Variants in TMEM117 observed in about 807,000 individuals in gnomAD.
TMEM117 encodes transmembrane protein 117.
Under a neutral mutation model 52.4 loss-of-function variants are expected in TMEM117, and 27 were observed. The ratio of observed to expected loss-of-function variants is 0.51; its 90% CI spans 0.38 to 0.71. The LOEUF is 0.71. Among genes scored for constraint, TMEM117 ranks in the 30% least tolerant of loss-of-function variants. The pLI is 0.00. For missense variants in TMEM117, 556 were observed against 630.5 expected (o/e 0.88, Z 1.26); for synonymous variants, 215 against 206.3 (o/e 1.04, Z -0.36).
At chr12:43,932,336 GT>G (rs34671916) in intron 2 of TMEM117, among the ~76,000 whole-genome samples, 19,735 of 129,360 alleles carry the variant, frequency 0.15, 1,821 homozygotes, top group African/African-American at 0.31. Flanking sequence ...CATTAAATAA[GT>G]TTTTTTTTTT....
intron 5 of TMEM117, among the ~76,000 whole-genome samples, chr12:44,277,906 G>T (rs1227947829): frequency 6.6e-6 from 1 of 151,810 alleles, no homozygotes; most frequent in East Asian, 1.9e-4. Flanking sequence ...TGGGATTACA[G>T]GCGCATGCCA....
intron 6 of TMEM117, among the ~76,000 whole-genome samples, chr12:44,334,546 C>T (rs185703575): frequency 1.2e-4 from 18 of 152,098 alleles, no homozygotes; most frequent in Admixed American, 1.0e-3. Flanking sequence ...GCACATTTCA[C>T]CTGCATGATT....
intron 2 of TMEM117, among the ~76,000 whole-genome samples, chr12:43,885,081 G>A (rs939625020): frequency 1.3e-5 from 2 of 152,148 alleles, no homozygotes; most frequent in East Asian, 1.9e-4. Flanking sequence ...ACAGGCCCCA[G>A]ATAGTCGCTA....
chr12:44,152,037 T>C (rs1948737479), intron 4 of TMEM117, among the ~76,000 whole-genome samples: 1 of 119,132 alleles, frequency 8.4e-6, no homozygotes, highest in Non-Finnish European at 1.6e-5. Flanking sequence ...ATGTAATATA[T>C]ATTATATTAA....
chr12:43,829,685 C>G, the TMEM117 span, among the ~76,000 whole-genome samples: 3 of 152,218 alleles, frequency 2.0e-5, no homozygotes, highest in African/African-American at 7.2e-5. Context: ...CCATTTAAAA[C>G]CAGCAGTCAC....
At chr12:44,309,551 TGA>T (rs2138665693) in intron 6 of TMEM117, among the ~76,000 whole-genome samples, 1 of 152,082 alleles carries the variant, frequency 6.6e-6, no homozygotes, top group South Asian at 2.1e-4. Context: ...AGACAGGAGT[TGA>T]GGGAGGGAAG....
chr12:44,186,543 G>A (rs375863475), intron 4 of TMEM117, among the ~76,000 whole-genome samples: 2 of 152,244 alleles, frequency 1.3e-5, no homozygotes, highest in East Asian at 3.9e-4. Context: ...CCTATGGAAA[G>A]GGATAGGTGA....
chr12:44,302,219 T>C (rs547917459), intron 6 of TMEM117, among the ~76,000 whole-genome samples: 1 of 152,332 alleles, frequency 6.6e-6, no homozygotes, highest in South Asian at 2.1e-4. Context: ...GGAAATGTCA[T>C]GTTTTACACT....
intron 5 of TMEM117, among the ~76,000 whole-genome samples, chr12:44,244,903 C>A (rs1164808132): frequency 6.6e-6 from 1 of 151,934 alleles, no homozygotes; most frequent in Non-Finnish European, 1.5e-5. Context: ...TTTTATTCTT[C>A]TGTATTTTGG....
chr12:44,062,414 C>T (rs1383972608), intron 3 of TMEM117, among the ~76,000 whole-genome samples: 1 of 152,150 alleles, frequency 6.6e-6, no homozygotes, highest in Non-Finnish European at 1.5e-5. Flanking sequence ...CTCAGGGTAT[C>T]TAATTAAAGT....
At chr12:44,396,785 C>T in the TMEM117 span, among the ~76,000 whole-genome samples, 8 of 145,768 alleles carry the variant, frequency 5.5e-5, no homozygotes, top group East Asian at 8.2e-4. Flanking sequence ...ACCAGGGAGG[C>T]GGAGGTTGCA....
chr12:44,296,651 G>A (rs1950773178), intron 5 of TMEM117, among the ~76,000 whole-genome samples: 2 of 152,332 alleles, frequency 1.3e-5, no homozygotes, highest in Middle Eastern at 3.4e-3. Flanking sequence ...AAGTTGGTGG[G>A]ACTGCCACCA....
chr12:44,238,195 A>T (rs1950021120), intron 5 of TMEM117, among the ~76,000 whole-genome samples: 1 of 152,190 alleles, frequency 6.6e-6, no homozygotes, highest in Non-Finnish European at 1.5e-5. Context: ...TTATTAGAAA[A>T]GTTAAAAGAG....
chr12:44,398,385 C>T, the TMEM117 span, among the ~76,000 whole-genome samples: 1 of 152,132 alleles, frequency 6.6e-6, no homozygotes, highest in Admixed American at 6.5e-5. Flanking sequence ...AAGCAGGAAG[C>T]ATTCCTGGGA....
intron 4 of TMEM117, among the ~76,000 whole-genome samples, chr12:44,182,764 G>T (rs928394634): frequency 6.6e-6 from 1 of 151,874 alleles, no homozygotes; most frequent in Admixed American, 6.6e-5. Flanking sequence ...GTGGATGCAG[G>T]TACCTCATAG....
intron 3 of TMEM117, among the ~76,000 whole-genome samples, chr12:44,124,270 T>C (rs56877775): frequency 0.043 from 6,492 of 152,324 alleles, 159 homozygotes; most frequent in Middle Eastern, 0.14. Flanking sequence ...GAGACTTTTC[T>C]GAAGTTGCTT....
intron 5 of TMEM117, among the ~76,000 whole-genome samples, chr12:44,266,977 A>T (rs577487070): frequency 6.6e-6 from 1 of 152,040 alleles, no homozygotes; most frequent in Non-Finnish European, 1.5e-5. Flanking sequence ...GCCTATGTAT[A>T]TATCTTTCTT....
chr12:44,311,142 A>G (rs1410880088), intron 6 of TMEM117, among the ~76,000 whole-genome samples: 1 of 151,962 alleles, frequency 6.6e-6, no homozygotes, highest in Non-Finnish European at 1.5e-5. Flanking sequence ...ATAAAACTAA[A>G]TATATTCTGG....
At chr12:43,840,096 C>A (rs1357273801) in intron 1 of TMEM117, among the ~76,000 whole-genome samples, 1 of 151,854 alleles carries the variant, frequency 6.6e-6, no homozygotes, top group Non-Finnish European at 1.5e-5. Context: ...TTTTTAATAT[C>A]AGATGGCTTT....
Sources: gnomAD v4.1 joint callset for allele counts (sites outside exome capture counted in the v4.1 genomes callset) on GRCh38, gnomAD v4.1.1 for gene constraint, MANE v1.5 for transcripts, NCBI Gene and HGNC (gene_info 2026-07-23, HGNC 2026-07-21) for gene names.